STAMBP: variants seen among roughly 807,000 people sequenced by gnomAD.
The protein encoded by STAMBP is STAM binding protein.
In STAMBP, 31 loss-of-function variants were observed where a neutral mutation model predicts 50.7. The observed-to-expected ratio is 0.61, with a 90% CI of 0.46 to 0.83. The LOEUF (loss-of-function observed/expected upper bound fraction) is 0.83, where lower values mean the gene tolerates loss of function less well. STAMBP is among the 40% of genes least tolerant of loss of function. STAMBP has a pLI of 0.00. For missense variants in STAMBP, 472 were observed against 518.9 expected, an observed-to-expected ratio of 0.91 and a Z score of 0.88; for synonymous variants, 211 against 192.4, an observed-to-expected ratio of 1.10 and a Z score of -0.80.
chr2:73,872,286 A>G (rs1679232556), intron 10 of STAMBP, among the ~76,000 whole-genome samples: 1 of 152,172 alleles, frequency 6.6e-6, no homozygotes, highest in African/African-American at 2.4e-5. Flanking sequence ...TGGTGGTGGC[A>G]GAAGGGGAAG....
chr2:73,829,939 T>C (rs1673694683), intron 1 of STAMBP, among the ~76,000 whole-genome samples: 1 of 152,230 alleles, frequency 6.6e-6, no homozygotes, highest in South Asian at 2.1e-4. Flanking sequence ...TTTATTCTAC[T>C]GTAGTTTGTG....
downstream of STAMBP, among the ~76,000 whole-genome samples, chr2:73,868,408 T>G (rs1679054386): frequency 6.6e-6 from 1 of 152,080 alleles, no homozygotes; most frequent in Admixed American, 6.6e-5. Flanking sequence ...CTGAGAGCCC[T>G]GAGGCGTTTG....
chr2:73,860,441 G>A, intron 9 of STAMBP: 1 of 574,812 alleles, frequency 1.7e-6, no homozygotes, highest in South Asian at 6.1e-5. Context: ...GGGTTCTTGA[G>A]ATGATTAAAT....
At chr2:73,848,874 C>A (rs1011764001) in intron 5 of STAMBP, among the ~76,000 whole-genome samples, 2 of 151,928 alleles carry the variant, frequency 1.3e-5, no homozygotes, top group Non-Finnish European at 2.9e-5. Context: ...GTCTTTTTCC[C>A]CCCTAAATTT....
intron 4 of STAMBP, among the ~76,000 whole-genome samples, chr2:73,846,398 C>T (rs868865995): frequency 3.3e-5 from 5 of 150,886 alleles, no homozygotes; most frequent in Admixed American, 1.3e-4. Context: ...CCCAGGAGTT[C>T]GAGACCAGCC....
intron 7 of STAMBP, among the ~76,000 whole-genome samples, chr2:73,855,267 C>A (rs1001344907): frequency 1.3e-5 from 2 of 152,212 alleles, no homozygotes; most frequent in African/African-American, 2.4e-5. Context: ...AGCATTCACC[C>A]TCCTTGCTCA....
Position 73,850,866 on chromosome 2 carries a change from G to A in STAMBP, c.1005+353G>A, listed in dbSNP as rs1319002716. ...CTGTGTACAGATGATGTTCCTTAAA[G>A]GTATATAATTCAAAATATTTTAAAT... On this transcript the variant is annotated intron_variant, in intron 7 of 9. Transcript: ENST00000394070. This position sits in a 1 kb window ranked among gnomAD's most constrained non-coding sequence, Gnocchi z 4.3. Among the ~76,000 whole-genome samples the A allele has an allele frequency of 6.6e-6, 1 of 152,060 alleles. No homozygotes were observed. Among genetic ancestry groups the A allele is most frequent in the Non-Finnish European group, 1.5e-5 (1 of 68,028 alleles).
intron 4 of STAMBP, among the ~76,000 whole-genome samples, 195 bp downstream of exon 4, chr2:73,845,457 GA>G (rs1675944975): frequency 6.6e-6 from 1 of 152,098 alleles, no homozygotes; most frequent in Non-Finnish European, 1.5e-5. Context: ...CCTATTTGTC[GA>G]AGAGAGTGAC....
chr2:73,854,038 G>A (rs2104601386), intron 7 of STAMBP, among the ~76,000 whole-genome samples: 1 of 152,240 alleles, frequency 6.6e-6, no homozygotes, highest in South Asian at 2.1e-4. Flanking sequence ...ATGTTCTTAT[G>A]CCCAATGAGC....
rs750254653 is a variant in STAMBP, at chr2:73,830,886, G to A, written c.30G>A (p.Pro10=). 10 of 1,613,504 alleles carry A rather than the reference G, an allele frequency of 6.2e-6. No homozygotes were observed. Among genetic ancestry groups the A allele is most frequent in the Non-Finnish European group, 8.5e-6 (10 of 1,179,986 alleles). Residue 10 remains proline (P), a synonymous_variant, in exon 2 of 10, where the codon CCG becomes CCA. Transcript: ENST00000394070. The stretch of plus-strand genomic sequence containing the variant: ...CTGACCATGGAGATGTGAGCCTCCC[G>A]CCCGAAGACCGGGTGAGGGCTCTCT... The part of the protein sequence containing the change: MSDHGDVSL[P]PEDRVRALSQ...
At chr2:73,872,167 A>G (rs1447745116), downstream of STAMBP, among the ~76,000 whole-genome samples, 2 of 152,170 alleles carry the variant, frequency 1.3e-5, no homozygotes, top group Non-Finnish European at 1.5e-5. Flanking sequence ...CCTTGAACCA[A>G]TCACTCTGAC....
At chr2:73,831,832 A>G (rs986981016) in intron 2 of STAMBP, among the ~76,000 whole-genome samples, 5 of 152,064 alleles carry the variant, frequency 3.3e-5, no homozygotes, top group African/African-American at 9.7e-5. Context: ...TGTGCATGGA[A>G]TAGGGTACAC....
chr2:73,860,192 C>A, intron 9 of STAMBP, 41 bp downstream of exon 9: 1 of 1,523,392 alleles, frequency 6.6e-7, no homozygotes, highest in Non-Finnish European at 9.1e-7. Context: ...ATGCTTCAAG[C>A]AGGGAGGACA....
chr2:73,856,163 C>G (rs1355660050), intron 7 of STAMBP, among the ~76,000 whole-genome samples: 2 of 152,222 alleles, frequency 1.3e-5, no homozygotes, highest in African/African-American at 4.8e-5. Flanking sequence ...CAAATTTTAG[C>G]ATCGTGTTCT....
At chr2:73,838,413 G>T (rs997822004) in intron 2 of STAMBP, among the ~76,000 whole-genome samples, 1 of 152,176 alleles carries the variant, frequency 6.6e-6, no homozygotes, top group Admixed American at 6.5e-5. Flanking sequence ...GGGAAGGGAA[G>T]TAGAAAAATG....
intron 1 of STAMBP, among the ~76,000 whole-genome samples, chr2:73,829,813 A>G (rs1673681537): frequency 6.6e-6 from 1 of 152,226 alleles, no homozygotes; most frequent in African/African-American, 2.4e-5. Context: ...GAAAAGAAAA[A>G]CTGGATAGAT....
intron 7 of STAMBP, among the ~76,000 whole-genome samples, chr2:73,853,583 A>C (rs1431764563): frequency 6.6e-6 from 1 of 152,178 alleles, no homozygotes; most frequent in African/African-American, 2.4e-5. Flanking sequence ...TTAGCTGGAC[A>C]TGGTGGCGCA....
chr2:73,844,794 T>G lies in STAMBP; in HGVS notation c.204-19T>G. 6.2e-7 allele frequency: 1 copy of G among 1,605,414 alleles called. No individual in the cohort carries two copies. Among genetic ancestry groups the G allele is most frequent in the South Asian group, 1.1e-5 (1 of 90,792 alleles). ...ATTTGGACCATTTGCTTCATAATCA[T>G]TTTGAACTGTTTCCTTAGGCTCTTT... is the stretch of plus-strand genomic sequence containing the variant. On this transcript the variant is annotated intron_variant, in intron 2 of 9. Transcript: ENST00000394070.
At chr2:73,842,563 T>C (rs1251072069) in intron 2 of STAMBP, among the ~76,000 whole-genome samples, 1 of 152,238 alleles carries the variant, frequency 6.6e-6, no homozygotes, top group Non-Finnish European at 1.5e-5. Flanking sequence ...TTTATTTCAG[T>C]GTTTAATATT....
Sources: allele counts gnomAD v4.1 joint callset (sites outside exome capture counted in the v4.1 genomes callset), GRCh38; gene constraint gnomAD v4.1.1; non-coding constraint Gnocchi (gnomAD v3.1); transcripts MANE v1.5; gene names NCBI Gene and HGNC (gene_info 2026-07-23, HGNC 2026-07-21).